Variants in GNAQ observed in about 807,000 individuals in gnomAD.
GNAQ encodes G protein subunit alpha q.
GNAQ carries 8 observed loss-of-function variants against 43.9 expected under a neutral mutation model. That is an observed-to-expected ratio of 0.18 (90% CI 0.11 to 0.33). The LOEUF is 0.33. Ranked by LOEUF, GNAQ falls within the 10% of genes least tolerant of loss-of-function variation. The pLI is 1.00. For synonymous variants in GNAQ, 155 were observed against 170.7 expected (o/e 0.91, Z 0.71); for missense variants, 158 against 450.8 (o/e 0.35, Z 5.88).
intron 2 of GNAQ, among the ~76,000 whole-genome samples, chr9:77,893,942 G>A (rs1043310421): frequency 2.0e-5 from 3 of 151,902 alleles, no homozygotes; most frequent in Non-Finnish European, 1.5e-5. Context: ...TCTCACCTGC[G>A]GACACCATGC....
chr9:77,928,873 A>G (rs1038628386), intron 1 of GNAQ, among the ~76,000 whole-genome samples: 6 of 152,078 alleles, frequency 3.9e-5, no homozygotes, highest in Non-Finnish European at 8.8e-5. Flanking sequence ...TACAAAAATT[A>G]GCTAGACGTA....
At chr9:77,797,973 T>C (rs879323112) in intron 3 of GNAQ, among the ~76,000 whole-genome samples, 17 of 152,238 alleles carry the variant, frequency 1.1e-4, no homozygotes, top group Admixed American at 1.1e-3. Flanking sequence ...GTAGGTTTGG[T>C]TGTCAAAGCA....
intron 1 of GNAQ, among the ~76,000 whole-genome samples, chr9:77,994,179 G>A (rs983049216): frequency 1.3e-5 from 2 of 152,098 alleles, no homozygotes; most frequent in African/African-American, 4.8e-5. Flanking sequence ...ACCATGCCCA[G>A]CTAACTTTTT....
At chr9:77,833,060 G>C (rs1481931663) in intron 2 of GNAQ, among the ~76,000 whole-genome samples, 2 of 152,066 alleles carry the variant, frequency 1.3e-5, no homozygotes, top group African/African-American at 4.8e-5. Flanking sequence ...TCTGCCTCCC[G>C]GGTTCAAGCA....
intron 2 of GNAQ, among the ~76,000 whole-genome samples, chr9:77,902,714 A>G (rs925550331): frequency 6.6e-6 from 1 of 152,186 alleles, no homozygotes; most frequent in Non-Finnish European, 1.5e-5. Flanking sequence ...ATGAACGCCA[A>G]TTTGTTTTTG....
At chr9:77,875,298 A>T (rs1399736820) in intron 2 of GNAQ, among the ~76,000 whole-genome samples, 1 of 152,222 alleles carries the variant, frequency 6.6e-6, no homozygotes, top group African/African-American at 2.4e-5. Context: ...CAAAGGCAAG[A>T]AGTTACATGA....
chr9:77,793,701 A>C (rs777841961), intron 5 of GNAQ, among the ~76,000 whole-genome samples: 4 of 152,072 alleles, frequency 2.6e-5, no homozygotes, highest in Non-Finnish European at 5.9e-5. Flanking sequence ...CGTTCCCCCA[A>C]CACACACATA....
At chr9:77,869,902 T>A (rs541123201) in intron 2 of GNAQ, among the ~76,000 whole-genome samples, 3 of 152,310 alleles carry the variant, frequency 2.0e-5, no homozygotes, top group South Asian at 2.1e-4. Flanking sequence ...AATTTTTAAT[T>A]TGATAAGTAA....
chr9:77,992,836 T>C (rs1418708680), intron 1 of GNAQ, among the ~76,000 whole-genome samples: 2 of 152,012 alleles, frequency 1.3e-5, no homozygotes, highest in African/African-American at 2.4e-5. Flanking sequence ...TCCCAGCTAC[T>C]TGGGAGGCTG....
intron 2 of GNAQ, among the ~76,000 whole-genome samples, chr9:77,851,448 C>T (rs982635198): frequency 6.6e-6 from 1 of 152,178 alleles, no homozygotes; most frequent in Non-Finnish European, 1.5e-5. Flanking sequence ...TCTGTGGCTC[C>T]TGAGAAAGTA....
chr9:77,822,182 C>G (rs1191740447), intron 2 of GNAQ, among the ~76,000 whole-genome samples: 1 of 152,094 alleles, frequency 6.6e-6, no homozygotes, highest in Non-Finnish European at 1.5e-5. Flanking sequence ...CTTGTTTGAC[C>G]ATGGAAGCTT....
intron 1 of GNAQ, among the ~76,000 whole-genome samples, chr9:78,025,779 A>G (rs1343837084): frequency 1.3e-5 from 2 of 152,192 alleles, no homozygotes; most frequent in Non-Finnish European, 1.5e-5. Context: ...TATTAACAGA[A>G]TATTAGTAGA....
chr9:77,969,942 A>C (rs1197548637), intron 1 of GNAQ, among the ~76,000 whole-genome samples: 1 of 152,128 alleles, frequency 6.6e-6, no homozygotes, highest in Non-Finnish European at 1.5e-5. Context: ...CCTTGTTACG[A>C]AAGTGATGGC....
chr9:77,884,813 C>T (rs1828275238), intron 2 of GNAQ, among the ~76,000 whole-genome samples: 1 of 152,212 alleles, frequency 6.6e-6, no homozygotes, highest in African/African-American at 2.4e-5. Context: ...GAGGTCAATG[C>T]CCCAAGGGCA....
At chr9:77,799,773 A>G (rs1224337776) in intron 3 of GNAQ, among the ~76,000 whole-genome samples, 1 of 152,216 alleles carries the variant, frequency 6.6e-6, no homozygotes, top group Non-Finnish European at 1.5e-5. Context: ...TTCCTATTGC[A>G]TATCAATTAA....
intron 5 of GNAQ, among the ~76,000 whole-genome samples, chr9:77,771,148 T>C (rs1826216327): frequency 6.6e-6 from 1 of 152,184 alleles, no homozygotes; most frequent in Admixed American, 6.5e-5. Flanking sequence ...AATGAACACA[T>C]AACCTGAATG....
At chr9:77,912,297 T>G (rs748336166) in intron 2 of GNAQ, among the ~76,000 whole-genome samples, 3 of 152,220 alleles carry the variant, frequency 2.0e-5, no homozygotes, top group Non-Finnish European at 2.9e-5. Context: ...TGTATTGCTC[T>G]GGGTAAAGGA....
At chr9:77,989,948 G>A (rs772654699) in intron 1 of GNAQ, among the ~76,000 whole-genome samples, 11 of 152,000 alleles carry the variant, frequency 7.2e-5, no homozygotes, top group Non-Finnish European at 1.3e-4. Context: ...ACTCCCTTCT[G>A]AAAAATCACT....
intron 5 of GNAQ, among the ~76,000 whole-genome samples, chr9:77,774,702 A>G (rs761676726): frequency 2.0e-5 from 3 of 152,190 alleles, no homozygotes; most frequent in Admixed American, 1.3e-4. Flanking sequence ...GCCTGAAGTC[A>G]TCTTTCTGCC....
Sources: allele counts gnomAD v4.1 joint callset (sites outside exome capture counted in the v4.1 genomes callset), GRCh38; gene constraint gnomAD v4.1.1; transcripts MANE v1.5; gene names NCBI Gene and HGNC (gene_info 2026-07-23, HGNC 2026-07-21).